ASAH2: variants seen among roughly 807,000 people sequenced by gnomAD.
ASAH2 encodes the protein neutral ceramidase.
ASAH2 carries 58 observed loss-of-function variants against 82.9 expected under a neutral mutation model. The observed-to-expected ratio is 0.70, with a 90% CI of 0.57 to 0.87. ASAH2 has a LOEUF of 0.87. ASAH2 is among the 40% of genes least tolerant of loss of function. The probability of loss-of-function intolerance (pLI) is 0.00; values close to 1 mark genes in which losing one functional copy is unlikely to be tolerated. For missense variants in ASAH2, 779 were observed against 834.0 expected, an observed-to-expected ratio of 0.93 and a Z score of 0.81; for synonymous variants, 276 against 289.7, an observed-to-expected ratio of 0.95 and a Z score of 0.48.
At chr10:50,239,450 T>C (rs1284434354) in intron 4 of ASAH2, among the ~76,000 whole-genome samples, 1 of 152,084 alleles carries the variant, frequency 6.6e-6, no homozygotes, top group Non-Finnish European at 1.5e-5. Context: ...TCCTCCCCAC[T>C]CTACCCGCCA....
rs1564839188 is a variant in ASAH2, at chr10:50,213,061, G to A, written c.1141-3C>T. 1 of 1,611,626 alleles carries A rather than the reference G, an allele frequency of 6.2e-7. No homozygotes were observed. The highest frequency in any genetic ancestry group is 1.7e-5 in the Admixed American group (1 of 59,958). On this transcript the variant is annotated splice_region_variant and splice_polypyrimidine_tract_variant and intron_variant, in intron 9 of 20. Transcript: ENST00000682911. Reference sequence around the variant, plus strand: ...CCCTTAGCAATGCACATGCTAGGCTGGAACAAAATAAGATATGATGCATTC... The same window carrying A: ...CCCTTAGCAATGCACATGCTAGGCTAGAACAAAATAAGATATGATGCATTC...
intron 10 of ASAH2, among the ~76,000 whole-genome samples, chr10:50,211,385 A>T (rs1256685066): frequency 6.6e-6 from 1 of 152,194 alleles, no homozygotes; most frequent in East Asian, 1.9e-4. Flanking sequence ...AATTATAGTG[A>T]TACAGGCTGT....
At chr10:50,228,853 G>A (rs1261641563) in intron 7 of ASAH2, among the ~76,000 whole-genome samples, 1 of 152,038 alleles carries the variant, frequency 6.6e-6, no homozygotes, top group East Asian at 1.9e-4. Context: ...GAAGGAGAAG[G>A]AAGGAGAAGA....
intron 10 of ASAH2, among the ~76,000 whole-genome samples, chr10:50,212,313 T>A (rs1478799415): frequency 6.6e-6 from 1 of 151,946 alleles, no homozygotes; most frequent in African/African-American, 2.4e-5. Flanking sequence ...TAGAAATATG[T>A]CTCCATAGAA....
rs376205298 is a variant in ASAH2 at position 50,248,600 on chromosome 10, C to G, written c.11G>C (p.Arg4Pro). The G allele has an allele frequency of 1.9e-6, 3 of 1,613,138 alleles. No homozygotes were observed. Among genetic ancestry groups the G allele is most frequent in the Admixed American group, 1.7e-5 (1 of 59,910 alleles). The change falls in exon 2 of 21, where the codon CGC becomes CCC. Residue 4 changes from arginine (R) to proline (P), a missense_variant. Physicochemically the swap from Arg to Pro is moderately radical, Grantham distance 103 (BLOSUM62 -2). Transcript: ENST00000682911. MAK[R>P]TFSNLETFLI... ...GAATGTCTCCAAGTTAGAGAAGGTG[C>G]GTTTGGCCATTTCTTCTCAGGTACA...
chr10:50,235,450 G>C (rs2133225976), intron 5 of ASAH2, among the ~76,000 whole-genome samples: 1 of 152,192 alleles, frequency 6.6e-6, no homozygotes, highest in East Asian at 1.9e-4. Context: ...ATCTATACTA[G>C]AGAACTTGAA....
intron 18 of ASAH2, among the ~76,000 whole-genome samples, chr10:50,193,787 G>C (rs1426174002): frequency 6.6e-6 from 1 of 151,228 alleles, no homozygotes; most frequent in East Asian, 1.9e-4. Context: ...AAATTAGAAA[G>C]AAAGAGGGGA....
At chr10:50,203,584 A>G in intron 15 of ASAH2, 56 bp downstream of exon 15, 2 of 778,866 alleles carry the variant, frequency 2.6e-6, no homozygotes, top group South Asian at 1.4e-5. Context: ...GATAGGATAT[A>G]CTTTCCTCTT....
chr10:50,240,491 C>T (rs1846266441), intron 4 of ASAH2: 3 of 702,030 alleles, frequency 4.3e-6, no homozygotes, highest in Non-Finnish European at 7.8e-6. Flanking sequence ...CTTAATCATC[C>T]TAAAACAAAA....
intron 7 of ASAH2, among the ~76,000 whole-genome samples, chr10:50,231,839 G>T (rs978761164): frequency 2.3e-4 from 35 of 152,254 alleles, no homozygotes; most frequent in African/African-American, 8.2e-4. Flanking sequence ...TTCAGAAGAG[G>T]TAGAATATGT....
intron 7 of ASAH2, among the ~76,000 whole-genome samples, chr10:50,223,148 A>G (rs1349084780): frequency 2.6e-5 from 4 of 152,244 alleles, no homozygotes; most frequent in Admixed American, 2.6e-4. Flanking sequence ...AGACTGAAAA[A>G]TAATAGATTT....
At chr10:50,207,148 C>T (rs1481649884) in intron 12 of ASAH2, among the ~76,000 whole-genome samples, 1 of 151,686 alleles carries the variant, frequency 6.6e-6, no homozygotes, top group Non-Finnish European at 1.5e-5. Context: ...AAACACAACA[C>T]ATCAAAACTT....
At chr10:50,206,645 A>G (rs1197052480) in intron 12 of ASAH2, among the ~76,000 whole-genome samples, 2 of 151,766 alleles carry the variant, frequency 1.3e-5, no homozygotes, top group Non-Finnish European at 2.9e-5. Context: ...TAACTATAAA[A>G]CTTATGAATT....
chr10:50,249,606 C>A (rs909198872), intron 1 of ASAH2, among the ~76,000 whole-genome samples: 3 of 152,184 alleles, frequency 2.0e-5, no homozygotes, highest in Non-Finnish European at 4.4e-5. Context: ...TTATGATCAT[C>A]TTATCTCAAA....
Position 50,204,886 on chromosome 10 carries a change from T to C in ASAH2, c.1600A>G (p.Ile534Val). The change falls in exon 14 of 21, where the codon ATA (isoleucine) becomes GTA (valine). Residue 534 changes from isoleucine to valine, a missense_variant. Transcript: ENST00000682911. ...GTAAACTCCCCGGGGATGGCAGTTATGGCCAAGGACCCAAGGGTAATAATC... is the reference window on the plus strand; with the variant it reads ...GTAAACTCCCCGGGGATGGCAGTTACGGCCAAGGACCCAAGGGTAATAATC... ...VQIITLGSLAITAIPGEFTTM... is the reference protein window; with the variant it reads ...VQIITLGSLAVTAIPGEFTTM... 2 of 1,611,872 alleles carry C rather than the reference T, an allele frequency of 1.2e-6. No homozygotes were observed. The highest frequency in any genetic ancestry group is 1.7e-6 in the Non-Finnish European group (2 of 1,178,740).
Position 50,195,548 on chromosome 10 carries a change from T to C in ASAH2, c.2004+1225A>G, listed in dbSNP as rs1419031375. 2.0e-5 allele frequency among the ~76,000 whole-genome samples: 3 copies of C among 151,022 alleles called. No individual in the cohort carries two copies. In the East Asian group the frequency reaches 5.8e-4, roughly 29 times the overall value. ...ATACACAATACCATTTCTGGGTATA[T>C]AGAGAAAGGAAATGAAATCAGTTTG... On this transcript the variant is annotated intron_variant, in intron 18 of 20. Coordinates refer to ENST00000682911, the MANE Select transcript of ASAH2 (RefSeq NM_019893.4).
intron 10 of ASAH2, among the ~76,000 whole-genome samples, 185 bp downstream of exon 10, chr10:50,212,787 C>A (rs879151640): frequency 0.11 from 16,418 of 152,176 alleles, 1,323 homozygotes; most frequent in Admixed American, 0.27. Context: ...CAGACCTGAG[C>A]AGTCAGACAG....
At chr10:50,203,493 G>A in intron 15 of ASAH2, 147 bp downstream of exon 15, 1 of 785,500 alleles carries the variant, frequency 1.3e-6, no homozygotes, top group Non-Finnish European at 2.3e-6. Context: ...TTTTAAGTCT[G>A]GTTCTTATAC....
chr10:50,202,038 A>G (rs2133200220), intron 16 of ASAH2, among the ~76,000 whole-genome samples: 1 of 152,208 alleles, frequency 6.6e-6, no homozygotes, highest in African/African-American at 2.4e-5. Flanking sequence ...TGAAGAAAGG[A>G]TGTAATTCTT....
Sources: gnomAD v4.1 joint callset for allele counts (sites outside exome capture counted in the v4.1 genomes callset) on GRCh38, gnomAD v4.1.1 for gene constraint, MANE v1.5 for transcripts, NCBI Gene and HGNC (gene_info 2026-07-23, HGNC 2026-07-21) for gene names.